Variants in RBFOX1 observed in about 807,000 individuals in gnomAD.
RBFOX1 encodes the protein RNA binding fox-1 homolog 1.
Under a neutral mutation model 57.7 loss-of-function variants are expected in RBFOX1, and 8 were observed. The ratio of observed to expected loss-of-function variants is 0.14; its 90% confidence interval spans 0.08 to 0.25. The LOEUF (loss-of-function observed/expected upper bound fraction) is 0.25, where lower values mean the gene tolerates loss of function less well. Among genes scored for constraint, RBFOX1 ranks in the 10% least tolerant of loss-of-function variants. The probability of loss-of-function intolerance (pLI) is 1.00; values close to 1 mark genes in which losing one functional copy is unlikely to be tolerated. For synonymous variants in RBFOX1, 326 were observed against 222.4 expected (o/e 1.47, Z -4.15); for missense variants, 611 against 548.5 (o/e 1.11, Z -1.14).
chr16:6,106,316 T>G (rs1381187732), intron 1 of RBFOX1, among the ~76,000 whole-genome samples: 1 of 149,118 alleles, frequency 6.7e-6, no homozygotes, highest in Non-Finnish European at 1.5e-5. Context: ...AAAAAATTAG[T>G]CAGGCTTGAT....
chr16:7,245,720 G>C (rs1448247248), intron 4 of RBFOX1, among the ~76,000 whole-genome samples: 1 of 152,168 alleles, frequency 6.6e-6, no homozygotes, highest in Admixed American at 6.5e-5. Flanking sequence ...AGGATACTTA[G>C]CATTAGAGAA....
intron 3 of RBFOX1, among the ~76,000 whole-genome samples, chr16:5,641,840 A>C (rs192214387): frequency 6.6e-6 from 1 of 152,238 alleles, no homozygotes; most frequent in Non-Finnish European, 1.5e-5. Context: ...CAAGGAGCAC[A>C]TCACAGAGCA....
chr16:6,068,048 G>T (rs1299156291), intron 1 of RBFOX1, among the ~76,000 whole-genome samples: 1 of 152,112 alleles, frequency 6.6e-6, no homozygotes, highest in Admixed American at 6.6e-5. Flanking sequence ...TTTATTCTCA[G>T]AGTTCTGTTT....
At chr16:6,654,772 T>C (rs2098634495) in intron 3 of RBFOX1, 122 bp downstream of exon 3, 1 of 653,862 alleles carries the variant, frequency 1.5e-6, no homozygotes, top group African/African-American at 1.9e-5. Context: ...GTCTATGACA[T>C]ATTTAAAGAC....
intron 1 of RBFOX1, among the ~76,000 whole-genome samples, chr16:6,230,582 G>T (rs2097451656): frequency 6.6e-6 from 1 of 152,166 alleles, no homozygotes; most frequent in African/African-American, 2.4e-5. Flanking sequence ...CAACAGTTTG[G>T]ACTAGGATCA....
chr16:5,513,310 C>T (rs572491406), intron 2 of RBFOX1, among the ~76,000 whole-genome samples: 13 of 152,234 alleles, frequency 8.5e-5, no homozygotes, highest in East Asian at 1.9e-4. Context: ...TCTGACGTTT[C>T]GATTAGACTA....
intron 3 of RBFOX1, among the ~76,000 whole-genome samples, chr16:5,818,697 G>T (rs536580873): frequency 2.6e-5 from 4 of 152,208 alleles, no homozygotes; most frequent in African/African-American, 9.7e-5. Flanking sequence ...AGTCTTGACC[G>T]TAGAGGGGAC....
At chr16:5,633,777 G>A (rs1405141702) in intron 3 of RBFOX1, among the ~76,000 whole-genome samples, 2 of 151,890 alleles carry the variant, frequency 1.3e-5, no homozygotes, top group Admixed American at 6.6e-5. Context: ...AGGAGGCTGA[G>A]GCAGGAGAAT....
At chr16:6,137,041 T>C (rs2096672094) in intron 1 of RBFOX1, among the ~76,000 whole-genome samples, 1 of 152,240 alleles carries the variant, frequency 6.6e-6, no homozygotes, top group Admixed American at 6.5e-5. Flanking sequence ...TTTGTTTTGC[T>C]TCTGATCCGA....
At chr16:7,412,942 T>A (rs992304627) in intron 4 of RBFOX1, among the ~76,000 whole-genome samples, 5 of 152,106 alleles carry the variant, frequency 3.3e-5, no homozygotes, top group African/African-American at 1.2e-4. Flanking sequence ...CTCGGGAGGC[T>A]GAGGCAGGAG....
Position 7,160,430 on chromosome 16 carries a change from T to G in RBFOX1, c.27+108332T>G, listed in dbSNP as rs1172139328. Among the ~76,000 whole-genome samples the G allele has an allele frequency of 3.9e-5, 6 of 152,110 alleles. No individual in the cohort carries two copies. The South Asian group carries it at 1.2e-3, about 31-fold the overall frequency. ...TCCTCCTCCCTTTTCCTTCCTTCTT[T>G]CGTAAGGTTGCACAAAATAATGTAC... On this transcript the variant is annotated intron_variant, in intron 4 of 15. Transcript: ENST00000550418.
chr16:6,530,948 G>A (rs917996533), intron 2 of RBFOX1, among the ~76,000 whole-genome samples: 18 of 152,096 alleles, frequency 1.2e-4, no homozygotes, highest in African/African-American at 3.9e-4. Context: ...TGGAAGATCC[G>A]GCTCCAGAAA....
At chr16:5,440,392 G>A (rs983938396) in intron 1 of RBFOX1, among the ~76,000 whole-genome samples, 1 of 152,142 alleles carries the variant, frequency 6.6e-6, no homozygotes, top group Non-Finnish European at 1.5e-5. Context: ...AGAGAACAGG[G>A]ATAAAGCTAT....
intron 4 of RBFOX1, among the ~76,000 whole-genome samples, chr16:7,479,408 GTATGAGC>G (rs2063430558): frequency 6.6e-6 from 1 of 152,084 alleles, no homozygotes; most frequent in South Asian, 2.1e-4. Context: ...GGGATTACAG[GTATGAGC>G]CGGGGTGCCT....
In RBFOX1 at chr16:7,420,285, C is replaced by T. The variant is rs570956498; in HGVS notation, c.28-97862C>T. Among the ~76,000 whole-genome samples, 446 of 152,232 alleles carry T rather than the reference C, an allele frequency of 2.9e-3. 1 individual carries two copies. Among genetic ancestry groups the T allele is most frequent in the Non-Finnish European group, 5.2e-3 (354 of 68,012 alleles). On this transcript the variant is annotated intron_variant, in intron 4 of 15. Transcript: ENST00000550418. Reference sequence around the variant, plus strand: ...CCTATTAGATTTTAAGGAAGCTAAGCCCTTGCCTCCCAAACATGAGACATG... The same window carrying T: ...CCTATTAGATTTTAAGGAAGCTAAGTCCTTGCCTCCCAAACATGAGACATG...
chr16:6,428,684 G>T (rs959376261), intron 2 of RBFOX1, among the ~76,000 whole-genome samples: 2 of 152,088 alleles, frequency 1.3e-5, no homozygotes, highest in Admixed American at 6.6e-5. Context: ...AGCAGCTCAC[G>T]TCCTGAAATC....
At chr16:6,936,680 G>C (rs190670061) in intron 3 of RBFOX1, among the ~76,000 whole-genome samples, 41 of 152,112 alleles carry the variant, frequency 2.7e-4, no homozygotes, top group African/African-American at 8.7e-4. Context: ...CAAAACTAAG[G>C]CTGAGAGAGG....
At chr16:6,639,537 A>T (rs945967254) in intron 2 of RBFOX1, among the ~76,000 whole-genome samples, 3 of 152,302 alleles carry the variant, frequency 2.0e-5, no homozygotes, top group Non-Finnish European at 2.9e-5. Context: ...TAACTATGAT[A>T]AAATTATACA....
chr16:6,517,443 C>G (rs1356581646), intron 2 of RBFOX1, among the ~76,000 whole-genome samples: 1 of 152,112 alleles, frequency 6.6e-6, no homozygotes, highest in African/African-American at 2.4e-5. Context: ...CTCTGCTGGA[C>G]AGAGAAACAG....
Sources: allele counts gnomAD v4.1 joint callset (sites outside exome capture counted in the v4.1 genomes callset), GRCh38; gene constraint gnomAD v4.1.1; transcripts MANE v1.5; gene names NCBI Gene and HGNC (gene_info 2026-07-23, HGNC 2026-07-21).